Variants in JAZF1 observed in about 807,000 individuals in gnomAD.
JAZF1 encodes the protein JAZF zinc finger 1.
A neutral mutation model predicts 26.4 loss-of-function variants in JAZF1; 8 were observed. That is an observed-to-expected ratio of 0.30 (90% CI 0.18 to 0.55). JAZF1 has a LOEUF of 0.55. JAZF1 is among the 20% of genes least tolerant of loss of function. The probability of loss-of-function intolerance (pLI) is 0.94; values close to 1 mark genes in which losing one functional copy is unlikely to be tolerated. For missense variants in JAZF1, 199 were observed against 322.0 expected (o/e 0.62, Z 2.92); for synonymous variants, 126 against 122.3 (o/e 1.03, Z -0.20).
chr7:28,033,716 C>T (rs549961402), intron 1 of JAZF1, among the ~76,000 whole-genome samples: 4 of 152,306 alleles, frequency 2.6e-5, no homozygotes, highest in African/African-American at 9.6e-5. Flanking sequence ...GATTGCTAAA[C>T]TTGTAATTGT....
At chr7:28,084,401 A>AGTCAAACTTG (rs1784182642) in intron 1 of JAZF1, among the ~76,000 whole-genome samples, 1 of 152,154 alleles carries the variant, frequency 6.6e-6, no homozygotes, top group Non-Finnish European at 1.5e-5. Flanking sequence ...AAAACTCTTA[A>AGTCAAACTTG]GCTATTCACC....
intron 1 of JAZF1, among the ~76,000 whole-genome samples, chr7:28,023,649 T>G (rs1783043128): frequency 6.6e-6 from 1 of 152,224 alleles, no homozygotes; most frequent in African/African-American, 2.4e-5. Context: ...ATTCAGGAAA[T>G]ACTGTTAAGT....
At chr7:27,948,717 A>G (rs2128354243) in intron 2 of JAZF1, among the ~76,000 whole-genome samples, 1 of 152,320 alleles carries the variant, frequency 6.6e-6, no homozygotes, top group South Asian at 2.1e-4. Flanking sequence ...CTGTATTGAT[A>G]ACCTACAAGG....
chr7:27,879,988 A>G (rs1783741879), intron 3 of JAZF1, among the ~76,000 whole-genome samples: 1 of 152,184 alleles, frequency 6.6e-6, no homozygotes, highest in Non-Finnish European at 1.5e-5. Flanking sequence ...TAGAAAACAC[A>G]CAGTAAATAC....
intron 1 of JAZF1, among the ~76,000 whole-genome samples, chr7:28,145,505 T>C (rs1425232786): frequency 1.3e-5 from 2 of 152,204 alleles, no homozygotes; most frequent in South Asian, 2.1e-4. Flanking sequence ...TTTAGCACCA[T>C]AGTTTCTTGT....
chr7:28,123,579 C>T (rs1221412260), intron 1 of JAZF1, among the ~76,000 whole-genome samples: 4 of 152,228 alleles, frequency 2.6e-5, no homozygotes. Context: ...GTGTCTGTGT[C>T]ATTATATTCT....
chr7:27,869,284 G>A (rs973302726), intron 3 of JAZF1, among the ~76,000 whole-genome samples: 2 of 145,060 alleles, frequency 1.4e-5, no homozygotes, highest in Non-Finnish European at 3.1e-5. Flanking sequence ...GGAGGACCCC[G>A]CACCCTGCTG....
rs554265802 is a variant in JAZF1 at position 28,068,723 on chromosome 7, G to A, written c.116-76742C>T. 4.0e-5 allele frequency among the ~76,000 whole-genome samples: 6 copies of A among 150,962 alleles called. No individual in the cohort carries two copies. The East Asian group carries it at 9.7e-4, about 24-fold the overall frequency. ...ATGTTATTTTTTAAAAAAGGAGGAG[G>A]ACAAAGGAAAAAAAAGACACGAGTC... On this transcript the variant is annotated intron_variant, in intron 1 of 4. Transcript: ENST00000283928.
At chr7:28,163,552 T>C (rs1232103975) in intron 1 of JAZF1, among the ~76,000 whole-genome samples, 1 of 152,196 alleles carries the variant, frequency 6.6e-6, no homozygotes, top group Non-Finnish European at 1.5e-5. Context: ...GCAACCCAAA[T>C]TAAAGCCTTT....
intron 2 of JAZF1, among the ~76,000 whole-genome samples, chr7:27,985,952 C>G (rs1785690618): frequency 6.6e-6 from 1 of 152,006 alleles, no homozygotes; most frequent in South Asian, 2.1e-4. Flanking sequence ...TGGGACATAT[C>G]TGACATATCT....
intron 1 of JAZF1, among the ~76,000 whole-genome samples, chr7:28,095,248 A>C (rs1784364357): frequency 6.6e-6 from 1 of 152,156 alleles, no homozygotes; most frequent in Non-Finnish European, 1.5e-5. Flanking sequence ...GTCCATTTTT[A>C]TACTGCTATG....
chr7:27,860,700 G>A (rs758113966), intron 3 of JAZF1, among the ~76,000 whole-genome samples: 3 of 152,174 alleles, frequency 2.0e-5, no homozygotes, highest in Admixed American at 6.5e-5. Context: ...AAGCTCCTCC[G>A]TGGGGTGCAA....
chr7:28,019,821 A>G (rs1400055094), intron 1 of JAZF1, among the ~76,000 whole-genome samples: 4 of 152,120 alleles, frequency 2.6e-5, no homozygotes, highest in Non-Finnish European at 5.9e-5. Flanking sequence ...TGGGGGTCAC[A>G]GGCTCTGCGA....
intron 1 of JAZF1, among the ~76,000 whole-genome samples, chr7:28,009,007 A>G (rs1782750507): frequency 6.6e-6 from 1 of 152,216 alleles, no homozygotes; most frequent in African/African-American, 2.4e-5. Flanking sequence ...AACAGACATT[A>G]TCAAGGTAAT....
Position 28,019,330 on chromosome 7 carries a change from G to A in JAZF1, c.116-27349C>T, listed in dbSNP as rs558659950. Among the ~76,000 whole-genome samples the A allele has an allele frequency of 5.3e-5, 8 of 152,294 alleles. No homozygotes were observed. The East Asian group carries it at 9.6e-4, about 18-fold the overall frequency. On this transcript the variant is annotated intron_variant, in intron 1 of 4. Coordinates refer to ENST00000283928, the MANE Select transcript of JAZF1 (RefSeq NM_175061.4). ...AGAGAGGATTAAGCATAATCTTACCGTGTCTGGGGGACAAAGGCACGTAGG... is the reference window on the plus strand; with the variant it reads ...AGAGAGGATTAAGCATAATCTTACCATGTCTGGGGGACAAAGGCACGTAGG...
chr7:27,874,962 T>G (rs570779045), intron 3 of JAZF1, among the ~76,000 whole-genome samples: 57 of 141,244 alleles, frequency 4.0e-4, no homozygotes, highest in African/African-American at 1.6e-3. Context: ...GCTCTATCCC[T>G]TGGAATTTGA....
intron 1 of JAZF1, among the ~76,000 whole-genome samples, chr7:28,000,330 C>G (rs1012976638): frequency 1.1e-4 from 17 of 152,238 alleles, no homozygotes; most frequent in Admixed American, 6.5e-4. Context: ...GGCAGGGATG[C>G]TGCTGAACAC....
At chr7:27,974,585 T>C (rs1785435557) in intron 2 of JAZF1, among the ~76,000 whole-genome samples, 1 of 152,176 alleles carries the variant, frequency 6.6e-6, no homozygotes, top group African/African-American at 2.4e-5. Flanking sequence ...GGATGAATCA[T>C]CCTGCTATAT....
intron 3 of JAZF1, among the ~76,000 whole-genome samples, chr7:27,886,503 G>T (rs1185565214): frequency 6.6e-6 from 1 of 152,138 alleles, no homozygotes; most frequent in Non-Finnish European, 1.5e-5. Flanking sequence ...AACTCCTTTG[G>T]AACTTACATT....
Sources: gnomAD v4.1 joint callset for allele counts (sites outside exome capture counted in the v4.1 genomes callset) on GRCh38, gnomAD v4.1.1 for gene constraint, MANE v1.5 for transcripts, NCBI Gene and HGNC (gene_info 2026-07-23, HGNC 2026-07-21) for gene names.